Variants in GXYLT1 observed in about 807,000 individuals in gnomAD.
GXYLT1 encodes glycosyltransferase 8 domain containing 3.
GXYLT1 carries 29 observed loss-of-function variants against 54.0 expected under a neutral mutation model. The ratio of observed to expected loss-of-function variants is 0.54; its 90% confidence interval spans 0.40 to 0.73. The LOEUF (loss-of-function observed/expected upper bound fraction) is 0.73, where lower values mean the gene tolerates loss of function less well. Ranked by LOEUF, GXYLT1 falls within the 30% of genes least tolerant of loss-of-function variation. The probability of loss-of-function intolerance (pLI) is 0.00; values close to 1 mark genes in which losing one functional copy is unlikely to be tolerated. For missense variants in GXYLT1, 490 were observed against 553.4 expected (o/e 0.89, Z 1.15); for synonymous variants, 176 against 204.1 (o/e 0.86, Z 1.17).
At chr12:42,119,266 T>C (rs2065516438) in intron 2 of GXYLT1, 95 bp from the exon 3 acceptor site, 3 of 1,016,720 alleles carry the variant, frequency 3.0e-6, no homozygotes, top group South Asian at 3.0e-5. Context: ...CAAAGCCAGA[T>C]GTTGTGACTC....
At chr12:42,089,890 G>T (rs2065319722) in intron 7 of GXYLT1, among the ~76,000 whole-genome samples, 1 of 152,178 alleles carries the variant, frequency 6.6e-6, no homozygotes, top group Admixed American at 6.5e-5. Context: ...ATATTTCAAT[G>T]TGCACAAAAA....
chr12:42,098,598 T>G (rs191062903), intron 5 of GXYLT1, among the ~76,000 whole-genome samples: 3 of 149,386 alleles, frequency 2.0e-5, no homozygotes, highest in African/African-American at 7.4e-5. Flanking sequence ...GCAGAGGGAG[T>G]GGGGAAGATC....
chr12:42,141,522 CAGT>C (rs941225646), intron 1 of GXYLT1, among the ~76,000 whole-genome samples: 1 of 151,368 alleles, frequency 6.6e-6, no homozygotes, highest in South Asian at 2.1e-4. Context: ...TGTGCTAAGA[CAGT>C]AGATCTTTAG....
intron 7 of GXYLT1, among the ~76,000 whole-genome samples, chr12:42,089,373 A>G (rs936692845): frequency 2.9e-4 from 44 of 150,860 alleles, no homozygotes; most frequent in African/African-American, 9.9e-4. Flanking sequence ...GCATTAGGAG[A>G]CATACCTAAT....
intron 3 of GXYLT1, among the ~76,000 whole-genome samples, chr12:42,115,445 A>G (rs2065487954): frequency 6.6e-6 from 1 of 152,334 alleles, no homozygotes; most frequent in South Asian, 2.1e-4. Context: ...CAGGATACAA[A>G]ATCAATGTGC....
At chr12:42,120,305 C>A (rs945524023) in intron 2 of GXYLT1, among the ~76,000 whole-genome samples, 2 of 152,158 alleles carry the variant, frequency 1.3e-5, no homozygotes, top group Non-Finnish European at 2.9e-5. Context: ...ATGTCCTTCA[C>A]ATTAATAACA....
chr12:42,109,031 A>G (rs1363617911), intron 4 of GXYLT1, among the ~76,000 whole-genome samples: 4 of 152,242 alleles, frequency 2.6e-5, no homozygotes, highest in Non-Finnish European at 4.4e-5. Context: ...ATCATAGAAC[A>G]TTACCAAAGA....
chr12:42,093,244 C>T (rs1248206390), intron 7 of GXYLT1, among the ~76,000 whole-genome samples: 1 of 152,022 alleles, frequency 6.6e-6, no homozygotes, highest in East Asian at 1.9e-4. Context: ...ATTACAGGCA[C>T]GTGCCACGAT....
chr12:42,109,691 G>T lies in GXYLT1; in HGVS notation c.487C>A (p.Leu163Ile). ...GTTTGTAGAAATGACCAGTTGTCAA[G>T]CTAAAACAATTTAAAAAAAAACTGT... ...DQLHHSFKGRLDNWSFLQTFN... is the reference protein window; with the variant it reads ...DQLHHSFKGRIDNWSFLQTFN... Residue 163 changes from leucine to isoleucine, a missense_variant and splice_region_variant, in exon 4 of 8, where the codon CTT (leucine) becomes ATT (isoleucine). This residue lies in a region of GXYLT1 where 342 missense variants were observed against 342.6 expected (regional missense o/e 1.00). Coordinates refer to ENST00000398675, the MANE Select transcript of GXYLT1 (RefSeq NM_173601.2). 1.3e-6 allele frequency: 2 copies of T among 1,497,226 alleles called. No individual in the cohort carries two copies. Among genetic ancestry groups the T allele is most frequent in the Non-Finnish European group, 9.1e-7 (1 of 1,101,424 alleles). The allele number at this position is 1,497,226 out of a possible 1,614,324, so 92.7% of individuals were successfully genotyped here.
chr12:42,123,347 C>T (rs12819127), intron 2 of GXYLT1, among the ~76,000 whole-genome samples: 21,538 of 152,026 alleles, frequency 0.14, 1,657 homozygotes, highest in Non-Finnish European at 0.18. Context: ...TGTCCTAATG[C>T]CTGCTGTCTC....
At chr12:42,112,363 G>C (rs149528010) in intron 3 of GXYLT1, among the ~76,000 whole-genome samples, 2 of 152,018 alleles carry the variant, frequency 1.3e-5, no homozygotes, top group Admixed American at 6.6e-5. Context: ...GAGGAAATTC[G>C]AACCAATGGC....
chr12:42,123,030 CA>C lies in GXYLT1; in HGVS notation c.315-3860del, dbSNP rs757704833. ...CAAATCAAAATTAAGGGACATTCTG[CA>C]AAACAAAAACAAAAATATCACAAAA... On this transcript the variant is annotated intron_variant, in intron 2 of 7. Transcript: ENST00000398675. Among the ~76,000 whole-genome samples the C allele has an allele frequency of 9.9e-5, 15 of 152,088 alleles. No individual in the cohort carries two copies. In the South Asian group the frequency reaches 1.9e-3, roughly 19 times the overall value.
At chr12:42,133,652 G>A (rs952191495) in intron 1 of GXYLT1, among the ~76,000 whole-genome samples, 4 of 152,130 alleles carry the variant, frequency 2.6e-5, no homozygotes, top group Non-Finnish European at 5.9e-5. Flanking sequence ...CACAGTCCTC[G>A]TCTCAGTACC....
chr12:42,119,248 G>A (rs1184712477), intron 2 of GXYLT1, 77 bp from the exon 3 acceptor site: 9 of 1,258,956 alleles, frequency 7.1e-6, no homozygotes, highest in African/African-American at 4.5e-5. Flanking sequence ...TGCTCAAAAA[G>A]TGAAGCTCAA....
intron 2 of GXYLT1, among the ~76,000 whole-genome samples, chr12:42,121,503 C>T (rs928394489): frequency 5.3e-5 from 8 of 152,002 alleles, no homozygotes; most frequent in African/African-American, 1.2e-4. Flanking sequence ...TGGTGATGCA[C>T]GCCTGTACTC....
At chr12:42,118,267 TCTCAA>T (rs2065508870) in intron 3 of GXYLT1, among the ~76,000 whole-genome samples, 1 of 152,142 alleles carries the variant, frequency 6.6e-6, no homozygotes. Context: ...AATTCTCTCC[TCTCAA>T]AACAGGATTA....
At chr12:42,089,654 A>C (rs1451565920) in intron 7 of GXYLT1, among the ~76,000 whole-genome samples, 9 of 152,218 alleles carry the variant, frequency 5.9e-5, no homozygotes, top group Non-Finnish European at 1.5e-5. Flanking sequence ...GTCTAGCTCC[A>C]AAAGTCCATG....
intron 1 of GXYLT1, among the ~76,000 whole-genome samples, chr12:42,139,203 T>TAAAAAA (rs376475516): frequency 7.0e-6 from 1 of 143,192 alleles, no homozygotes; most frequent in Non-Finnish European, 1.5e-5. Context: ...GTCTCAGAAA[T>TAAAAAA]AAAAAAAAAA....
chr12:42,082,340 G>C lies in GXYLT1; in HGVS notation c.*5446C>G, dbSNP rs1286012130. The C allele has an allele frequency of 6.6e-6, 1 of 152,142 alleles. No homozygotes were observed. The highest frequency in any genetic ancestry group is 1.5e-5 in the Non-Finnish European group (1 of 68,036). The allele number at this position is 152,142 out of a possible 1,614,324, so 9.4% of individuals were successfully genotyped here. A position where few individuals can be genotyped will look rare whatever the true frequency, so the allele number is the denominator to read the frequency against. ...AATGCATGTGATGCATGCGTGCTCT[G>C]CTAAGTTTTGAACAGATAACATATT... On this transcript the variant is annotated 3_prime_UTR_variant, in exon 8 of 8. Coordinates refer to ENST00000398675, the MANE Select transcript of GXYLT1 (RefSeq NM_173601.2).
Sources: gnomAD v4.1 joint callset for allele counts (sites outside exome capture counted in the v4.1 genomes callset) on GRCh38, gnomAD v4.1.1 for gene constraint, gnomAD v4.1.1 regional missense constraint, MANE v1.5 for transcripts, NCBI Gene and HGNC (gene_info 2026-07-23, HGNC 2026-07-21) for gene names.